NGLY1: variants seen among roughly 807,000 people sequenced by gnomAD.
NGLY1 encodes the protein N-glycanase 1.
Under a neutral mutation model 84.6 loss-of-function variants are expected in NGLY1, and 68 were observed. The ratio of observed to expected loss-of-function variants is 0.80; its 90% CI spans 0.66 to 0.98. The LOEUF is 0.98. NGLY1 is among the 50% of genes least tolerant of loss of function. The probability of loss-of-function intolerance (pLI) is 0.00; values close to 1 mark genes in which losing one functional copy is unlikely to be tolerated. For missense variants in NGLY1, 779 were observed against 770.2 expected, an observed-to-expected ratio of 1.01 and a Z score of -0.14; for synonymous variants, 280 against 275.2, an observed-to-expected ratio of 1.02 and a Z score of -0.17.
chr3:25,786,868 T>G (rs147747834), upstream of NGLY1, among the ~76,000 whole-genome samples: 303 of 152,352 alleles, frequency 2.0e-3, 1 homozygote, highest in Middle Eastern at 0.02. Flanking sequence ...CTATCAAATG[T>G]AAGGATAAAT....
chr3:25,771,660 G>T (rs566181551), intron 2 of NGLY1, among the ~76,000 whole-genome samples: 12 of 152,278 alleles, frequency 7.9e-5, no homozygotes, highest in African/African-American at 2.9e-4. Flanking sequence ...ACCCTTCCAT[G>T]AGTATGGGAT....
At chr3:25,765,059 T>G (rs779494880) in intron 2 of NGLY1, among the ~76,000 whole-genome samples, 2 of 152,116 alleles carry the variant, frequency 1.3e-5, no homozygotes, top group African/African-American at 2.4e-5. Flanking sequence ...AGTAAATTAC[T>G]CAAAACAAGA....
intron 9 of NGLY1, among the ~76,000 whole-genome samples, chr3:25,731,913 T>C (rs1705559995): frequency 6.6e-6 from 1 of 152,116 alleles, no homozygotes; most frequent in African/African-American, 2.4e-5. Context: ...TTCGAGGGTG[T>C]AAGGCAGTGG....
intron 4 of NGLY1, among the ~76,000 whole-genome samples, chr3:25,742,557 C>T (rs964346633): frequency 4.6e-5 from 7 of 152,088 alleles, no homozygotes; most frequent in Non-Finnish European, 7.4e-5. Context: ...GAGAGTTTGG[C>T]GTTTCCCATA....
chr3:25,769,407 C>T (rs369173429), intron 2 of NGLY1, among the ~76,000 whole-genome samples: 1 of 152,078 alleles, frequency 6.6e-6, no homozygotes, highest in African/African-American at 2.4e-5. Context: ...TCTGAATAGA[C>T]ATTTCTCAAA....
chr3:25,783,050 T>A lies in NGLY1; in HGVS notation c.131+210A>T. The A allele has an allele frequency of 1.9e-6, 1 of 523,048 alleles. No individual in the cohort carries two copies. The allele number at this position is 523,048 out of a possible 1,614,324, so 32.4% of individuals were successfully genotyped here. A position where few individuals can be genotyped will look rare whatever the true frequency, so the allele number is the denominator to read the frequency against. On this transcript the variant is annotated intron_variant, in intron 1 of 11. Coordinates refer to ENST00000280700, the MANE Select transcript of NGLY1 (RefSeq NM_018297.4). The surrounding 1 kb of genome is among the most constrained non-coding windows in gnomAD (Gnocchi z 4.5). ...GCCAAGTCACAACTGCAAAGAAACT[T>A]CCTTTTCTCGAGCGGGGGTGGGACT...
chr3:25,787,557 G>A (rs1223806033), upstream of NGLY1, among the ~76,000 whole-genome samples: 1 of 152,182 alleles, frequency 6.6e-6, no homozygotes, highest in African/African-American at 2.4e-5. Flanking sequence ...AGGCTGGTAA[G>A]TTAAATATTT....
At chr3:25,789,983 G>A in exon 1 of NGLY1, 1 of 1,279,240 alleles carries the variant, frequency 7.8e-7, no homozygotes, top group Non-Finnish European at 1.1e-6. Context: ...CCAAGGTGAC[G>A]CGGCTTAAAG....
chr3:25,738,624 A>C (rs1346438737), intron 5 of NGLY1, among the ~76,000 whole-genome samples: 1 of 151,846 alleles, frequency 6.6e-6, no homozygotes, highest in African/African-American at 2.4e-5. Context: ...TAGGTAATTA[A>C]ATTTTTTTTT....
intron 10 of NGLY1, among the ~76,000 whole-genome samples, chr3:25,725,639 A>AG (rs2125452960): frequency 6.6e-6 from 1 of 152,234 alleles, no homozygotes; most frequent in South Asian, 2.1e-4. Context: ...ATTGGATTAG[A>AG]GGTCACTCAG....
intron 1 of NGLY1, among the ~76,000 whole-genome samples, chr3:25,779,045 C>T (rs557304127): frequency 3.7e-4 from 55 of 150,564 alleles, no homozygotes; most frequent in African/African-American, 1.3e-3. Context: ...AAGCAATTCT[C>T]CCACCTCAGC....
chr3:25,750,268 T>C (rs1358782494), intron 4 of NGLY1, among the ~76,000 whole-genome samples: 2 of 152,152 alleles, frequency 1.3e-5, no homozygotes, highest in Non-Finnish European at 2.9e-5. Flanking sequence ...TACCTCCAAC[T>C]GGTCCCACCC....
upstream of NGLY1, among the ~76,000 whole-genome samples, chr3:25,787,000 G>GC (rs1708619955): frequency 6.6e-6 from 1 of 152,222 alleles, no homozygotes; most frequent in South Asian, 2.1e-4. Flanking sequence ...TAAGTTTAGA[G>GC]CAGTGGTTGG....
rs188769166 is a variant in NGLY1 at position 25,769,288 on chromosome 3, G to C, written c.247-4977C>G. 6.1e-3 allele frequency among the ~76,000 whole-genome samples: 928 copies of C among 152,282 alleles called. 8 individuals are homozygous for C. The highest frequency in any genetic ancestry group is 9.9e-3 in the Non-Finnish European group (672 of 68,018). ...AGGCAGGAGAATCACTTGAACTTGA[G>C]AGGTGAAGGCTGCAGTAAGCCGAGA... On this transcript the variant is annotated intron_variant, in intron 2 of 11. Transcript: ENST00000280700.
intron 10 of NGLY1, among the ~76,000 whole-genome samples, chr3:25,723,101 T>C (rs1024248017): frequency 6.6e-6 from 1 of 152,230 alleles, no homozygotes; most frequent in Non-Finnish European, 1.5e-5. Context: ...TAAAATATGA[T>C]AGGCTGAAAT....
At chr3:25,785,670 C>CA (rs5847372), upstream of NGLY1, among the ~76,000 whole-genome samples, 15 of 149,220 alleles carry the variant, frequency 1.0e-4, no homozygotes, top group African/African-American at 1.7e-4. Flanking sequence ...CCCATCTCTA[C>CA]AAAAAAAAAA....
intron 3 of NGLY1, among the ~76,000 whole-genome samples, chr3:25,763,595 T>G (rs563759535): frequency 2.0e-5 from 3 of 152,348 alleles, no homozygotes; most frequent in Non-Finnish European, 4.4e-5. Flanking sequence ...AGGACCTTGG[T>G]CAAAAGAGAT....
chr3:25,732,886 A>G (rs1456973515), intron 8 of NGLY1, among the ~76,000 whole-genome samples: 2 of 152,230 alleles, frequency 1.3e-5, no homozygotes, highest in Admixed American at 6.5e-5. Flanking sequence ...AGAAAGCTGT[A>G]AAGGCAGCCA....
At chr3:25,754,606 T>C (rs1304805160) in intron 3 of NGLY1, among the ~76,000 whole-genome samples, 2 of 151,966 alleles carry the variant, frequency 1.3e-5, no homozygotes, top group Non-Finnish European at 2.9e-5. Flanking sequence ...CATGGGGGAC[T>C]ACTGCAGAGC....
Sources: allele counts gnomAD v4.1 joint callset (sites outside exome capture counted in the v4.1 genomes callset), GRCh38; gene constraint gnomAD v4.1.1; non-coding constraint Gnocchi (gnomAD v3.1); transcripts MANE v1.5; gene names NCBI Gene and HGNC (gene_info 2026-07-23, HGNC 2026-07-21).